Variants in ANO1 observed in about 807,000 individuals in gnomAD.
ANO1 encodes the protein anoctamin 1.
Under a neutral mutation model 124.0 loss-of-function variants are expected in ANO1, and 59 were observed. The observed-to-expected ratio is 0.48, with a 90% CI of 0.39 to 0.59. The LOEUF (loss-of-function observed/expected upper bound fraction) is 0.59. ANO1 is among the 20% of genes least tolerant of loss of function. The pLI is 0.00. For missense variants in ANO1, 1,059 were observed against 1,328.0 expected (o/e 0.80, Z 3.15); for synonymous variants, 529 against 532.0 (o/e 0.99, Z 0.08).
chr11:70,181,399 G>A (rs747344907), intron 23 of ANO1, among the ~76,000 whole-genome samples: 2 of 152,198 alleles, frequency 1.3e-5, no homozygotes, highest in African/African-American at 2.4e-5. Context: ...GGTGGGCAAC[G>A]CTTTCTGCCA....
At chr11:70,068,787 G>A (rs1411685435) in intron 1 of ANO1, among the ~76,000 whole-genome samples, 2 of 152,168 alleles carry the variant, frequency 1.3e-5, no homozygotes, top group Non-Finnish European at 2.9e-5. Flanking sequence ...AGGCGGGTAG[G>A]GGCAGTCCCA....
At chr11:69,973,884 A>T in the ANO1 span, among the ~76,000 whole-genome samples, 1 of 151,854 alleles carries the variant, frequency 6.6e-6, no homozygotes, top group Non-Finnish European at 1.5e-5. Flanking sequence ...AAAAAAAAAA[A>T]TTGGATTCCT....
At position 70,182,497 on chromosome 11, in the gene ANO1, C is replaced by T; in HGVS notation, c.2404-5C>T. Reference sequence around the variant, plus strand: ...GTCCCCCTCACTGCCATGTCCCCTGCACAGGCCTTCGTGATCTCCTTCACG... The same window carrying T: ...GTCCCCCTCACTGCCATGTCCCCTGTACAGGCCTTCGTGATCTCCTTCACG... On this transcript the variant is annotated splice_polypyrimidine_tract_variant and splice_region_variant and intron_variant, in intron 23 of 25. Coordinates refer to ENST00000355303, the MANE Select transcript of ANO1 (RefSeq NM_018043.7). 3 of 1,568,320 alleles carry T rather than the reference C, an allele frequency of 1.9e-6. No homozygotes were observed. The highest frequency in any genetic ancestry group is 3.6e-5 in the Admixed American group (2 of 55,204).
rs111931634 is a variant in ANO1, at chr11:70,112,089, C to T, written c.855+327C>T. ...TGGGCTCCCCTACCCCCAGCTGGCC[C>T]GGGGCTCTGGCAGAATGACCAGGGC... On this transcript the variant is annotated intron_variant, in intron 7 of 25. Coordinates refer to ENST00000355303, the MANE Select transcript of ANO1 (RefSeq NM_018043.7). 9.5e-3 allele frequency among the ~76,000 whole-genome samples: 1,441 copies of T among 152,280 alleles called. 27 individuals carry two copies. The highest frequency in any genetic ancestry group is 0.033 in the African/African-American group (1,369 of 41,550).
chr11:70,025,147 G>A (rs1430446824), intron 1 of ANO1, among the ~76,000 whole-genome samples: 2 of 152,192 alleles, frequency 1.3e-5, no homozygotes, highest in East Asian at 1.9e-4. Context: ...TGAATTCCAT[G>A]CCCAGCTCTT....
intron 1 of ANO1, among the ~76,000 whole-genome samples, chr11:70,061,119 A>G (rs1442814260): frequency 6.6e-6 from 1 of 152,094 alleles, no homozygotes; most frequent in Non-Finnish European, 1.5e-5. Flanking sequence ...GGAAGGGTGC[A>G]TGTATGCTGA....
intron 1 of ANO1, among the ~76,000 whole-genome samples, chr11:70,034,645 C>A (rs2135039637): frequency 6.6e-6 from 1 of 152,284 alleles, no homozygotes; most frequent in South Asian, 2.1e-4. Context: ...GGGCTGGCTG[C>A]AGGCACTGCA....
At position 70,059,268 on chromosome 11, in the gene ANO1, A is replaced by G. The variant is rs533213256; in HGVS notation, c.59-19274A>G. On this transcript the variant is annotated intron_variant, in intron 1 of 27. Transcript: ENST00000531349. ...CAGGAGGCTGAGGCAGGAGAATGGC[A>G]TGAACCTGGGAGGTGGAGCTTGTAG... is the stretch of plus-strand genomic sequence containing the variant. Among the ~76,000 whole-genome samples, 5 of 146,352 alleles carry G rather than the reference A, an allele frequency of 3.4e-5. No individual in the cohort carries two copies. The Admixed American group carries it at 3.5e-4, about 10-fold the overall frequency.
intron 25 of ANO1, among the ~76,000 whole-genome samples, chr11:70,187,073 A>G (rs930743378): frequency 3.9e-5 from 6 of 152,038 alleles, no homozygotes; most frequent in African/African-American, 7.2e-5. Context: ...GAAGAGGGAG[A>G]TGGGATGGGG....
rs928744744 is a variant in ANO1, at chr11:70,105,616, T to C, written c.693-118T>C. 13 of 941,796 alleles carry C rather than the reference T, an allele frequency of 1.4e-5. No individual in the cohort carries two copies. The South Asian group carries it at 1.8e-4, about 13-fold the overall frequency. The allele number at this position is 941,796 out of a possible 1,614,324, so 58.3% of individuals were successfully genotyped here. On this transcript the variant is annotated intron_variant, in intron 4 of 25. Coordinates refer to ENST00000355303, the MANE Select transcript of ANO1 (RefSeq NM_018043.7). ...GGTCATACCTGGCGTGCGGACAGAG[T>C]TCTGTCCATTTCACGGTCACGGCTA...
chr11:70,095,291 GGAAGGAAGGAAAGAAA>G (rs780703629), intron 2 of ANO1, among the ~76,000 whole-genome samples: 1,419 of 75,346 alleles, frequency 0.019, 134 homozygotes, highest in African/African-American at 0.03. Context: ...AAGGAAGGAA[GGAAGGAAGGAAAGAAA>G]GAAAGAAAGA....
chr11:70,133,726 G>T (rs1179757126), intron 11 of ANO1, among the ~76,000 whole-genome samples: 5 of 152,224 alleles, frequency 3.3e-5, no homozygotes, highest in Admixed American at 3.3e-4. Context: ...GACAGGCTCA[G>T]GTTATCCTCC....
chr11:70,101,178 T>C (rs963321116), intron 2 of ANO1, among the ~76,000 whole-genome samples: 7 of 152,060 alleles, frequency 4.6e-5, no homozygotes, highest in African/African-American at 1.7e-4. Flanking sequence ...TTTAACTCTC[T>C]CTGCTGGACC....
At chr11:70,064,246 C>CG (rs1857664337) in intron 1 of ANO1, 1 of 152,276 alleles carries the variant, frequency 6.6e-6, no homozygotes, top group Non-Finnish European at 1.5e-5. Flanking sequence ...GCACACTCTC[C>CG]GGGAAGAGCC....
chr11:70,089,056 G>T (rs558640605), intron 2 of ANO1, among the ~76,000 whole-genome samples: 1 of 152,202 alleles, frequency 6.6e-6, no homozygotes, highest in Non-Finnish European at 1.5e-5. Flanking sequence ...TTCCTTCAGC[G>T]GCTCTGCTGG....
At chr11:70,055,914 C>G (rs2135094079) in intron 1 of ANO1, among the ~76,000 whole-genome samples, 2 of 152,168 alleles carry the variant, frequency 1.3e-5, no homozygotes, top group Middle Eastern at 3.4e-3. Flanking sequence ...ATTTACACCA[C>G]CTTTGGACAA....
intron 1 of ANO1, among the ~76,000 whole-genome samples, chr11:70,044,779 C>G (rs151146751): frequency 6.6e-6 from 1 of 152,002 alleles, no homozygotes; most frequent in Non-Finnish European, 1.5e-5. Flanking sequence ...AAGGCTGTTA[C>G]GATGATAAAG....
Position 70,188,262 on chromosome 11 carries a change from G to T in ANO1, c.*258G>T, listed in dbSNP as rs2049224036. ...AATCAAAATGATGGCTGGTAATACG[G>T]CAATAAGGTAGCAAAGGCAGGTGCT... On this transcript the variant is annotated 3_prime_UTR_variant, in exon 26 of 26. Coordinates refer to ENST00000355303, the MANE Select transcript of ANO1 (RefSeq NM_018043.7). 2 of 538,114 alleles carry T rather than the reference G, an allele frequency of 3.7e-6. No homozygotes were observed. The highest frequency in any genetic ancestry group is 6.9e-5 in the Admixed American group (2 of 29,142). The allele number at this position is 538,114 out of a possible 1,614,324, so 33.3% of individuals were successfully genotyped here.
At chr11:70,106,693 C>G (rs1202671493) in intron 5 of ANO1, among the ~76,000 whole-genome samples, 2 of 152,200 alleles carry the variant, frequency 1.3e-5, no homozygotes, top group African/African-American at 2.4e-5. Context: ...TAGCTTTGGC[C>G]TTGGTTAGTC....
Sources: allele counts gnomAD v4.1 joint callset (sites outside exome capture counted in the v4.1 genomes callset), GRCh38; gene constraint gnomAD v4.1.1; transcripts MANE v1.5; gene names NCBI Gene and HGNC (gene_info 2026-07-23, HGNC 2026-07-21).